Variants in VWA3B observed in about 807,000 individuals in gnomAD.
VWA3B encodes von Willebrand factor A domain-containing protein 3B.
In VWA3B, 138 loss-of-function variants were observed where a neutral mutation model predicts 158.3. The observed-to-expected ratio is 0.87, with a 90% confidence interval of 0.76 to 1.00. The LOEUF (loss-of-function observed/expected upper bound fraction) is 1.00. Ranked by LOEUF, VWA3B falls within the 50% of genes least tolerant of loss-of-function variation. VWA3B has a pLI of 0.00. For synonymous variants in VWA3B, 596 were observed against 587.3 expected (o/e 1.01, Z -0.21); for missense variants, 1,555 against 1,565.1 (o/e 0.99, Z 0.11).
chr2:98,295,429 C>T (rs184965293), intron 23 of VWA3B, among the ~76,000 whole-genome samples: 1 of 152,292 alleles, frequency 6.6e-6, no homozygotes, highest in East Asian at 1.9e-4. Context: ...ATTCTCTGAC[C>T]CCTGAGCACC....
chr2:98,278,629 C>T (rs1212896090), intron 22 of VWA3B, among the ~76,000 whole-genome samples: 4 of 152,116 alleles, frequency 2.6e-5, no homozygotes, highest in Non-Finnish European at 4.4e-5. Flanking sequence ...TCTGAGGTCC[C>T]GCCATCAAGC....
At chr2:98,147,774 A>T (rs1005838501) in intron 7 of VWA3B, among the ~76,000 whole-genome samples, 1 of 151,978 alleles carries the variant, frequency 6.6e-6, no homozygotes, top group Non-Finnish European at 1.5e-5. Flanking sequence ...ATATGTATAC[A>T]TGTGCCATGT....
chr2:98,193,147 G>C (rs1226066651), intron 11 of VWA3B, 111 bp downstream of exon 11: 1 of 1,339,974 alleles, frequency 7.5e-7, no homozygotes, highest in African/African-American at 1.5e-5. Context: ...CAAATTCAGA[G>C]AAGTACTCCC....
chr2:98,133,972 A>T (rs1039360653), intron 7 of VWA3B, 33 bp downstream of exon 7: 2 of 1,576,132 alleles, frequency 1.3e-6, no homozygotes, highest in East Asian at 2.2e-5. Flanking sequence ...GGTGTAGCTT[A>T]TGTCCCGAAT....
chr2:98,303,461 A>G (rs540683232), intron 25 of VWA3B, among the ~76,000 whole-genome samples: 1 of 141,982 alleles, frequency 7.0e-6, no homozygotes, highest in African/African-American at 2.8e-5. Flanking sequence ...TGTGTGTCTT[A>G]CGTGGGTACA....
intron 19 of VWA3B, among the ~76,000 whole-genome samples, chr2:98,247,032 C>T (rs1322236089): frequency 4.0e-5 from 6 of 151,878 alleles, no homozygotes; most frequent in African/African-American, 1.2e-4. Flanking sequence ...GAGCCTCGCA[C>T]TGTCGCCCAG....
At chr2:98,298,176 G>A (rs188260975) in intron 24 of VWA3B, 145 bp downstream of exon 24, 3 of 1,142,364 alleles carry the variant, frequency 2.6e-6, no homozygotes, top group Non-Finnish European at 3.4e-6. Flanking sequence ...AAGAACAATG[G>A]CCCCTGTTCT....
intron 11 of VWA3B, among the ~76,000 whole-genome samples, 157 bp from the exon 12 acceptor site, chr2:98,194,204 T>C (rs1337992168): frequency 6.6e-6 from 1 of 152,154 alleles, no homozygotes; most frequent in African/African-American, 2.4e-5. Context: ...TTAAATATCC[T>C]TTATACTAGA....
At chr2:98,301,729 T>C (rs1189256653) in intron 25 of VWA3B, among the ~76,000 whole-genome samples, 2 of 152,216 alleles carry the variant, frequency 1.3e-5, no homozygotes, top group South Asian at 2.1e-4. Context: ...TCTTTTTTAT[T>C]GACTAGGGGA....
In VWA3B at chr2:98,095,658, G is replaced by A. The variant is rs146229142; in HGVS notation, c.196+2370G>A. Among the ~76,000 whole-genome samples the A allele has an allele frequency of 1.1e-3, 163 of 152,210 alleles. No homozygotes were observed. In the Middle Eastern group the frequency reaches 0.014, roughly 13 times the overall value. On this transcript the variant is annotated intron_variant, in intron 2 of 27. Transcript: ENST00000477737. ...CTTGGCTAGAACTTCTAGTACTGTT[G>A]TGAATAAAAGTGGTGAAAGTGGGCA... is the stretch of plus-strand genomic sequence containing the variant.
At chr2:98,171,339 A>T (rs1017589600) in intron 8 of VWA3B, among the ~76,000 whole-genome samples, 5 of 152,206 alleles carry the variant, frequency 3.3e-5, no homozygotes, top group Admixed American at 1.3e-4. Context: ...TCCCAGGGTC[A>T]AGGAAAGGTT....
Position 98,238,820 on chromosome 2 carries a change from A to G in VWA3B, c.2673+2090A>G, listed in dbSNP as rs144990224. ...GTGTTTGTATGAATCAGTGTTCAGTATGCAAACACACATGCACATACATCC... is the reference window on the plus strand; with the variant it reads ...GTGTTTGTATGAATCAGTGTTCAGTGTGCAAACACACATGCACATACATCC... On this transcript the variant is annotated intron_variant, in intron 19 of 27. Transcript: ENST00000477737. 2.8e-3 allele frequency among the ~76,000 whole-genome samples: 425 copies of G among 152,338 alleles called. 2 individuals are homozygous for G. Among genetic ancestry groups the G allele is most frequent in the Middle Eastern group, 0.017 (5 of 294 alleles).
intron 21 of VWA3B, among the ~76,000 whole-genome samples, chr2:98,261,183 C>T (rs189792326): frequency 1.3e-4 from 19 of 151,774 alleles, no homozygotes; most frequent in Admixed American, 9.2e-4. Flanking sequence ...TTTCTGTATA[C>T]TTTTTAGTTA....
intron 19 of VWA3B, chr2:98,242,368 T>G (rs997977907): frequency 1.8e-5 from 8 of 453,344 alleles, no homozygotes; most frequent in Non-Finnish European, 3.5e-5. Flanking sequence ...TAATTTTATC[T>G]TAGCTCTTTC....
chr2:98,294,927 G>C (rs1689712669), intron 23 of VWA3B, among the ~76,000 whole-genome samples: 1 of 152,196 alleles, frequency 6.6e-6, no homozygotes, highest in African/African-American at 2.4e-5. Context: ...TGGCTGTGTA[G>C]ATTAAATGCG....
intron 23 of VWA3B, among the ~76,000 whole-genome samples, chr2:98,296,552 A>G (rs1689810718): frequency 6.6e-6 from 1 of 152,244 alleles, no homozygotes; most frequent in Non-Finnish European, 1.5e-5. Flanking sequence ...AACAAGACAC[A>G]TGGATCAAGA....
At position 98,115,648 on chromosome 2, in the gene VWA3B, G is replaced by T. The variant is rs769891532; in HGVS notation, c.197-4G>T. 4.3e-6 allele frequency: 7 copies of T among 1,612,604 alleles called. No individual in the cohort carries two copies. The highest frequency in any genetic ancestry group is 5.9e-6 in the Non-Finnish European group (7 of 1,179,094). ...TTTGATTGTTTTTCTTTATAAAAATGCAGATTATGTGGCGTCTCTGGGGAG... is the reference window on the plus strand; with the variant it reads ...TTTGATTGTTTTTCTTTATAAAAATTCAGATTATGTGGCGTCTCTGGGGAG... On this transcript the variant is annotated splice_polypyrimidine_tract_variant and splice_region_variant and intron_variant, in intron 2 of 27. Transcript: ENST00000477737.
intron 2 of VWA3B, among the ~76,000 whole-genome samples, chr2:98,094,842 A>G (rs1443228240): frequency 6.6e-6 from 1 of 152,166 alleles, no homozygotes; most frequent in African/African-American, 2.4e-5. Context: ...GCCTGTGGCT[A>G]TACAGTTTTC....
intron 21 of VWA3B, among the ~76,000 whole-genome samples, chr2:98,268,128 CCA>C (rs772178878): frequency 0.028 from 4,302 of 151,294 alleles, 90 homozygotes; most frequent in Middle Eastern, 0.048. Context: ...GGAACTGGTA[CCA>C]TTCCTTCTGA....
Sources: allele counts gnomAD v4.1 joint callset (sites outside exome capture counted in the v4.1 genomes callset), GRCh38; gene constraint gnomAD v4.1.1; transcripts MANE v1.5; gene names NCBI Gene and HGNC (gene_info 2026-07-23, HGNC 2026-07-21).